PPFIA4: variants seen among roughly 807,000 people sequenced by gnomAD.
The protein encoded by PPFIA4 is liprin-alpha-4.
A neutral mutation model predicts 145.7 loss-of-function variants in PPFIA4; 98 were observed. The ratio of observed to expected loss-of-function variants is 0.67; its 90% CI spans 0.57 to 0.80. The LOEUF (loss-of-function observed/expected upper bound fraction) is 0.80, where lower values mean the gene tolerates loss of function less well. Among genes scored for constraint, PPFIA4 ranks in the 30% least tolerant of loss-of-function variants. The pLI, the probability that PPFIA4 is intolerant of heterozygous loss-of-function variation, is 0.00. For synonymous variants in PPFIA4, 628 were observed against 649.6 expected, an observed-to-expected ratio of 0.97 and a Z score of 0.51; for missense variants, 1,457 against 1,632.7, an observed-to-expected ratio of 0.89 and a Z score of 1.85.
At position 203,043,250 on chromosome 1, in the gene PPFIA4, T is replaced by G; in HGVS notation, c.235-147T>G. The G allele has an allele frequency of 4.5e-6, 3 of 672,320 alleles. No individual in the cohort carries two copies. Among genetic ancestry groups the G allele is most frequent in the Non-Finnish European group, 7.9e-6 (3 of 380,114 alleles). The allele number at this position is 672,320 out of a possible 1,614,324, so 41.6% of individuals were successfully genotyped here. A position where few individuals can be genotyped will look rare whatever the true frequency, so the allele number is the denominator to read the frequency against. ...AAGCACATGCTAGCTACAGGTTTAC[T>G]GACCTGCAGTGTGGATGGATTGGGA... is the stretch of plus-strand genomic sequence containing the variant. On this transcript the variant is annotated intron_variant, in intron 2 of 29. Transcript: ENST00000295706. This position sits in a 1 kb window ranked among gnomAD's most constrained non-coding sequence, Gnocchi z 4.4.
chr1:203,063,791 C>T (rs562073767), intron 24 of PPFIA4, 37 bp from the exon 25 acceptor site: 4 of 1,611,148 alleles, frequency 2.5e-6, no homozygotes, highest in East Asian at 2.2e-5. Flanking sequence ...CTCTACCTTC[C>T]TCCCCCATAA....
rs373538808 is a variant in PPFIA4, at chr1:203,060,356, G to A, written c.2723G>A (p.Arg908His). ...ISNALHRLKL[R>H]LAIQEMVSLT... ...AATGCCCTGCACCGGCTCAAGCTCCGCCTGGCCATTCAGGAGATGGTGTCA... is the reference window on the plus strand; with the variant it reads ...AATGCCCTGCACCGGCTCAAGCTCCACCTGGCCATTCAGGAGATGGTGTCA... Residue 908 changes from arginine to histidine, a missense_variant, in exon 22 of 30, where the codon CGC becomes CAC. Physicochemically the swap from Arg to His is conservative, Grantham distance 29. Transcript: ENST00000295706. This position sits in a 1 kb window ranked among gnomAD's most constrained non-coding sequence, Gnocchi z 4.8. 17 of 1,613,854 alleles carry A rather than the reference G, an allele frequency of 1.1e-5. No individual in the cohort carries two copies. Among genetic ancestry groups the A allele is most frequent in the African/African-American group, 8.0e-5 (6 of 74,920 alleles).
rs1660829155 is a variant in PPFIA4 at position 203,055,091 on chromosome 1, C to T, written c.1830-341C>T. 6.6e-6 allele frequency among the ~76,000 whole-genome samples: 1 copy of T among 152,248 alleles called. No individual in the cohort carries two copies. Among genetic ancestry groups the T allele is most frequent in the South Asian group, 2.1e-4 (1 of 4,832 alleles). ...ACTTGGAAACTGCTGACTTATACCA[C>T]TTCAGACATAGCATATGTTGGGAAA... On this transcript the variant is annotated intron_variant, in intron 15 of 29. Transcript: ENST00000295706. This position sits in a 1 kb window ranked among gnomAD's most constrained non-coding sequence, Gnocchi z 4.8.
In PPFIA4 at chr1:203,046,385, A is replaced by G; in HGVS notation, c.1140+3A>G. ...AGAGAATTGCAGCCCTCACCAAGGC[A>G]AGTGGGCCAGGGGCCTGGGATCTGC... On this transcript the variant is annotated splice_donor_region_variant and intron_variant, in intron 9 of 29. Coordinates refer to ENST00000295706, the MANE Select transcript of PPFIA4 (RefSeq NM_001304331.2). 1 of 1,584,144 alleles carries G rather than the reference A, an allele frequency of 6.3e-7. No individual in the cohort carries two copies. Among genetic ancestry groups the G allele is most frequent in the Non-Finnish European group, 8.6e-7 (1 of 1,166,528 alleles).
chr1:203,042,531 G>A (rs779302215), intron 2 of PPFIA4, among the ~76,000 whole-genome samples: 10 of 152,208 alleles, frequency 6.6e-5, no homozygotes, highest in Non-Finnish European at 8.8e-5. Flanking sequence ...TATTTCACCC[G>A]CTACTTGCAG....
intron 1 of PPFIA4, among the ~76,000 whole-genome samples, chr1:203,038,343 G>C (rs561798317): frequency 6.6e-6 from 1 of 152,210 alleles, no homozygotes; most frequent in African/African-American, 2.4e-5. Flanking sequence ...AGTGAGCCAC[G>C]TGGGTAGGGG....
chr1:203,043,508 G>GA lies in PPFIA4; in HGVS notation c.336+11dup. ...ACGGAATAACACACGGGTAAGTGGGGATGACCTTGTGTCGCGCGCGCGCAC... is the reference window on the plus strand; with the variant it reads ...ACGGAATAACACACGGGTAAGTGGGGAATGACCTTGTGTCGCGCGCGCGCAC... On this transcript the variant is annotated intron_variant, in intron 3 of 29. Transcript: ENST00000295706. This position sits in a 1 kb window ranked among gnomAD's most constrained non-coding sequence, Gnocchi z 4.4. 1 of 1,602,600 alleles carries GA rather than the reference G, an allele frequency of 6.2e-7. No homozygotes were observed. Among genetic ancestry groups the GA allele is most frequent in the Non-Finnish European group, 8.5e-7 (1 of 1,174,518 alleles).
chr1:203,030,264 C>T (rs964901988), intron 1 of PPFIA4, among the ~76,000 whole-genome samples: 2 of 152,126 alleles, frequency 1.3e-5, no homozygotes, highest in African/African-American at 4.8e-5. Flanking sequence ...TCCGAGAGCC[C>T]TTCTGAGTCC....
In PPFIA4 at chr1:203,055,425, C is replaced by T. The variant is rs1660862166; in HGVS notation, c.1830-7C>T. On this transcript the variant is annotated splice_polypyrimidine_tract_variant and splice_region_variant and intron_variant, in intron 15 of 29. Transcript: ENST00000295706. This position sits in a 1 kb window ranked among gnomAD's most constrained non-coding sequence, Gnocchi z 4.8. ...AGTGGTGAGGTCTGGTTTTGCCTCC[C>T]TTCCAGGATGATTCAGGAAGAGAAG... is the stretch of plus-strand genomic sequence containing the variant. 6.2e-7 allele frequency: 1 copy of T among 1,613,568 alleles called. No homozygotes were observed. The highest frequency in any genetic ancestry group is 1.3e-5 in the African/African-American group (1 of 74,924).
At chr1:203,056,350 C>T (rs1394931236) in intron 17 of PPFIA4, 25 bp from the exon 18 acceptor site, 9 of 1,612,208 alleles carry the variant, frequency 5.6e-6, no homozygotes, top group Non-Finnish European at 6.8e-6. Flanking sequence ...CCCTCTATCC[C>T]CTGACGGCTC....
rs768051327 is a variant in PPFIA4, at chr1:203,043,995, T to G, written c.401T>G (p.Val134Gly). ...GAACGGTCACTGCGGATGACTGTGG[T>G]GAAGCGCCAGGCCCAGTCACCTTCG... ...RHERSLRMTV[V>G]KRQAQSPSGV... The change falls in exon 4 of 30, where the codon GTG becomes GGG. Residue 134 changes from valine to glycine, a missense_variant. By Grantham distance (109) the Val-to-Gly change is moderately radical. This residue lies in a region of PPFIA4 where 463 missense variants were observed against 459.8 expected (regional missense o/e 1.01). Transcript: ENST00000295706. The surrounding 1 kb of genome is among the most constrained non-coding windows in gnomAD (Gnocchi z 4.4). The G allele has an allele frequency of 7.4e-6, 12 of 1,612,300 alleles. No homozygotes were observed. Among genetic ancestry groups the G allele is most frequent in the Non-Finnish European group, 9.3e-6 (11 of 1,179,610 alleles).
chr1:203,051,983 C>T (rs956147860), intron 14 of PPFIA4, 106 bp downstream of exon 14: 2 of 1,259,066 alleles, frequency 1.6e-6, no homozygotes, highest in African/African-American at 3.1e-5. Flanking sequence ...CTTCCCCTTC[C>T]CTCCCGTGTC....
At chr1:203,039,625 C>T (rs989505828) in intron 2 of PPFIA4, among the ~76,000 whole-genome samples, 6 of 152,180 alleles carry the variant, frequency 3.9e-5, no homozygotes, top group African/African-American at 7.2e-5. Flanking sequence ...GAGATCATCT[C>T]GTCCAGCTCC....
At position 203,056,112 on chromosome 1, in the gene PPFIA4, T is replaced by G; in HGVS notation, c.2071-8T>G. ...GAGTCTGAGCTTACCCATCCCTCTC[T>G]CTTGCAGCCCAGTGACTTAAGAAAG... On this transcript the variant is annotated splice_polypyrimidine_tract_variant and splice_region_variant and intron_variant, in intron 16 of 29. Transcript: ENST00000295706. The G allele has an allele frequency of 6.2e-7, 1 of 1,613,910 alleles. No individual in the cohort carries two copies. Among genetic ancestry groups the G allele is most frequent in the Non-Finnish European group, 8.5e-7 (1 of 1,179,848 alleles).
At chr1:203,056,256 CAGAG>C (rs893921027) in intron 17 of PPFIA4, 101 bp downstream of exon 17, 2 of 1,600,520 alleles carry the variant, frequency 1.2e-6, no homozygotes, top group Non-Finnish European at 1.7e-6. Flanking sequence ...AGTCTGAACT[CAGAG>C]AGGCACCCAG....
Position 203,056,946 on chromosome 1 carries a change from C to A in PPFIA4, c.2403C>A (p.Gly801=). Residue 801 remains glycine (G), a synonymous_variant, in exon 19 of 30, where the codon GGC becomes GGA. Coordinates refer to ENST00000295706, the MANE Select transcript of PPFIA4 (RefSeq NM_001304331.2). ...AGCTGAGTCGGGATGGAGCCACAGG[C>A]CATGGTCTCTGTCCCCTTCCTAACG... ...LIQLSRDGAT[G]HVLLTDSEFS... 1 of 1,614,022 alleles carries A rather than the reference C, an allele frequency of 6.2e-7. No homozygotes were observed. The highest frequency in any genetic ancestry group is 8.5e-7 in the Non-Finnish European group (1 of 1,179,882).
chr1:203,039,343 T>A, intron 2 of PPFIA4, 101 bp downstream of exon 2: 1 of 856,794 alleles, frequency 1.2e-6, no homozygotes, highest in Non-Finnish European at 1.7e-6. Context: ...TGCATATCAA[T>A]AATTGGAATT....
At chr1:203,032,430 T>TTTTTTTTTTTTTGTTG (rs57892403) in intron 1 of PPFIA4, among the ~76,000 whole-genome samples, 62 of 139,420 alleles carry the variant, frequency 4.4e-4, no homozygotes, top group South Asian at 9.3e-4. Context: ...TCCCCGCTTT[T>TTTTTTTTTTTTTGTTG]TTGTTGTTGT....
rs941901526 is a variant in PPFIA4, at chr1:203,076,397, C to T, written c.*7C>T. 1.2e-6 allele frequency: 2 copies of T among 1,607,270 alleles called. No homozygotes were observed. The highest frequency in any genetic ancestry group is 2.2e-5 in the East Asian group (1 of 44,884). On this transcript the variant is annotated 3_prime_UTR_variant, in exon 30 of 30. Coordinates refer to ENST00000295706, the MANE Select transcript of PPFIA4 (RefSeq NM_001304331.2). ...CTCCGCCTTCCGGGACTAGCCATGG[C>T]CCCCAGGGCTGGCTTCCTCCTTCTG... is the stretch of plus-strand genomic sequence containing the variant.
Sources: allele counts gnomAD v4.1 joint callset (sites outside exome capture counted in the v4.1 genomes callset), GRCh38; gene constraint gnomAD v4.1.1; regional missense constraint gnomAD v4.1.1; non-coding constraint Gnocchi (gnomAD v3.1); transcripts MANE v1.5; gene names NCBI Gene and HGNC (gene_info 2026-07-23, HGNC 2026-07-21).